The following KCNMA1 variants were observed in gnomAD, a reference collection of about 807,000 sequenced individuals.
The protein encoded by KCNMA1 is potassium calcium-activated channel subfamily M alpha 1.
A neutral mutation model predicts 140.0 loss-of-function variants in KCNMA1; 29 were observed. The observed-to-expected ratio is 0.21, with a 90% CI of 0.15 to 0.28. The LOEUF is 0.28. KCNMA1 is among the 10% of genes least tolerant of loss of function. The pLI, the probability that KCNMA1 is intolerant of heterozygous loss-of-function variation, is 1.00. For synonymous variants in KCNMA1, 612 were observed against 611.9 expected, an observed-to-expected ratio of 1.00 and a Z score of 0.00; for missense variants, 880 against 1,602.2, an observed-to-expected ratio of 0.55 and a Z score of 7.70.
chr10:77,162,612 T>A (rs915324800), intron 5 of KCNMA1, among the ~76,000 whole-genome samples: 13 of 152,160 alleles, frequency 8.5e-5, no homozygotes, highest in African/African-American at 3.1e-4. Context: ...GAGCTGGAAT[T>A]TTTTTTAAAT....
chr10:77,592,288 C>T (rs1431983275), intron 1 of KCNMA1, among the ~76,000 whole-genome samples: 1 of 152,168 alleles, frequency 6.6e-6, no homozygotes, highest in Non-Finnish European at 1.5e-5. Context: ...AAAGACGAGT[C>T]ACAAAAGCAC....
At chr10:77,022,060 C>T (rs2092924815) in intron 16 of KCNMA1, among the ~76,000 whole-genome samples, 1 of 152,170 alleles carries the variant, frequency 6.6e-6, no homozygotes, top group Admixed American at 6.5e-5. Flanking sequence ...ATAACCTTCT[C>T]CCCCTTTTGC....
intron 1 of KCNMA1, among the ~76,000 whole-genome samples, chr10:77,470,326 G>T (rs2098122794): frequency 2.0e-5 from 3 of 152,168 alleles, no homozygotes; most frequent in Admixed American, 1.3e-4. Context: ...AACTGAGGAG[G>T]TGAGGCCCGG....
At chr10:77,013,474 G>A (rs777599311) in intron 17 of KCNMA1, among the ~76,000 whole-genome samples, 12 of 152,094 alleles carry the variant, frequency 7.9e-5, no homozygotes, top group Non-Finnish European at 1.5e-4. Flanking sequence ...TTGACCCTGA[G>A]TGGCAATGTG....
At chr10:77,016,336 T>C (rs2092029195) in intron 17 of KCNMA1, among the ~76,000 whole-genome samples, 1 of 152,212 alleles carries the variant, frequency 6.6e-6, no homozygotes, top group Admixed American at 6.5e-5. Context: ...AAAACTGTAA[T>C]TCTTTCCTGC....
intron 5 of KCNMA1, among the ~76,000 whole-genome samples, chr10:77,172,939 A>G (rs532410542): frequency 1.3e-5 from 2 of 152,208 alleles, no homozygotes; most frequent in East Asian, 3.9e-4. Flanking sequence ...CAGCCTCCCA[A>G]GGGCTTCTTT....
intron 3 of KCNMA1, among the ~76,000 whole-genome samples, chr10:77,209,029 G>T (rs1275468753): frequency 6.6e-6 from 1 of 152,074 alleles, no homozygotes. Flanking sequence ...TCTCTCTTTG[G>T]AAGAGTGCAA....
intron 23 of KCNMA1, among the ~76,000 whole-genome samples, chr10:76,921,937 A>T (rs183120639): frequency 2.6e-5 from 4 of 152,162 alleles, no homozygotes; most frequent in East Asian, 1.9e-4. Context: ...TTTACTCAAT[A>T]AAAAAAAGAT....
intron 1 of KCNMA1, among the ~76,000 whole-genome samples, chr10:77,624,708 C>A (rs2092200338): frequency 6.6e-6 from 1 of 152,062 alleles, no homozygotes; most frequent in Non-Finnish European, 1.5e-5. Flanking sequence ...AGGCCTGGAG[C>A]CTATGACTTG....
At chr10:76,896,713 G>A (rs772457487) in intron 25 of KCNMA1, among the ~76,000 whole-genome samples, 1 of 152,078 alleles carries the variant, frequency 6.6e-6, no homozygotes, top group African/African-American at 2.4e-5. Flanking sequence ...GAAATAATGA[G>A]TAGATCAGTG....
chr10:77,533,033 T>C (rs1289374807), intron 1 of KCNMA1, among the ~76,000 whole-genome samples: 2 of 152,236 alleles, frequency 1.3e-5, no homozygotes, highest in Non-Finnish European at 2.9e-5. Flanking sequence ...TCCCCTGCAA[T>C]AGTAGAAGCT....
chr10:76,955,266 C>T (rs2067802453), intron 20 of KCNMA1, among the ~76,000 whole-genome samples: 1 of 149,114 alleles, frequency 6.7e-6, no homozygotes, highest in South Asian at 2.1e-4. Context: ...TACTATTTGT[C>T]CTTCTGAAAT....
At chr10:77,388,166 T>G (rs1665430816) in intron 2 of KCNMA1, among the ~76,000 whole-genome samples, 1 of 152,252 alleles carries the variant, frequency 6.6e-6, no homozygotes, top group Admixed American at 6.5e-5. Context: ...TACCTTGGTT[T>G]TCTTTTCTCT....
chr10:77,037,411 ATAC>A (rs1383568373), intron 15 of KCNMA1, among the ~76,000 whole-genome samples: 1 of 152,270 alleles, frequency 6.6e-6, no homozygotes, highest in Non-Finnish European at 1.5e-5. Context: ...TTTACGTGAC[ATAC>A]TACTATTTGG....
Position 76,926,398 on chromosome 10 carries a change from A to T in KCNMA1, c.2903-11349T>A, listed in dbSNP as rs75161947. On this transcript the variant is annotated intron_variant, in intron 23 of 27. Coordinates refer to ENST00000286628, the MANE Select transcript of KCNMA1 (RefSeq NM_001161352.2). Reference sequence around the variant, plus strand: ...AGATGTCATGAAGATTGAATGAGTTAATAATAATAATACAGGGAAACTGCT... The same window carrying T: ...AGATGTCATGAAGATTGAATGAGTTTATAATAATAATACAGGGAAACTGCT... 8.5e-3 allele frequency among the ~76,000 whole-genome samples: 1,298 copies of T among 152,222 alleles called. 17 individuals are homozygous for T. The highest frequency in any genetic ancestry group is 0.03 in the African/African-American group (1,251 of 41,546).
intron 24 of KCNMA1, chr10:76,913,396 G>A (rs1448447519): frequency 4.6e-5 from 7 of 152,256 alleles, no homozygotes; most frequent in Non-Finnish European, 1.0e-4. Context: ...TCTGGGCTGG[G>A]ATTGGGGGCC....
intron 9 of KCNMA1, among the ~76,000 whole-genome samples, chr10:77,095,183 G>T (rs1181915995): frequency 6.6e-6 from 1 of 152,180 alleles, no homozygotes; most frequent in Non-Finnish European, 1.5e-5. Flanking sequence ...TAGACCATCA[G>T]CGATTGTCCT....
At chr10:77,496,114 C>T (rs1002562677) in intron 1 of KCNMA1, among the ~76,000 whole-genome samples, 1 of 152,166 alleles carries the variant, frequency 6.6e-6, no homozygotes, top group African/African-American at 2.4e-5. Flanking sequence ...CTGAAGCATC[C>T]TCCATGCAGC....
intron 6 of KCNMA1, among the ~76,000 whole-genome samples, chr10:77,113,927 C>T (rs890249123): frequency 1.3e-5 from 2 of 152,182 alleles, no homozygotes; most frequent in African/African-American, 4.8e-5. Context: ...CAATAGTCCT[C>T]ATGTTGTACA....
Sources: allele counts gnomAD v4.1 joint callset (sites outside exome capture counted in the v4.1 genomes callset), GRCh38; gene constraint gnomAD v4.1.1; transcripts MANE v1.5; gene names NCBI Gene and HGNC (gene_info 2026-07-23, HGNC 2026-07-21).